The following PMPCA variants were observed in gnomAD, a reference collection of about 807,000 sequenced individuals.
The protein encoded by PMPCA is mitochondrial-processing peptidase subunit alpha.
A neutral mutation model predicts 59.3 loss-of-function variants in PMPCA; 47 were observed. That is an observed-to-expected ratio of 0.79 (90% CI 0.63 to 1.01). The LOEUF (loss-of-function observed/expected upper bound fraction) is 1.01, where lower values mean the gene tolerates loss of function less well. Ranked by LOEUF, PMPCA falls within the 50% of genes least tolerant of loss-of-function variation. The probability of loss-of-function intolerance (pLI) is 0.00; values close to 1 mark genes in which losing one functional copy is unlikely to be tolerated. For synonymous variants in PMPCA, 338 were observed against 290.3 expected (o/e 1.16, Z -1.67); for missense variants, 726 against 704.5 (o/e 1.03, Z -0.34).
At position 136,422,642 on chromosome 9, in the gene PMPCA, C is replaced by T. The variant is rs754590352; in HGVS notation, c.1409-453C>T. ...TTAAATCCTCAAGCGAGTGTCCAGC[C>T]TCTCTCGGGCCTCGTTTTCTGTAGA... On this transcript the variant is annotated intron_variant, in intron 12 of 12. Coordinates refer to ENST00000371717, the MANE Select transcript of PMPCA (RefSeq NM_015160.3). 1,100 of 1,009,900 alleles carry T rather than the reference C, an allele frequency of 1.1e-3. 1 individual carries two copies. Among genetic ancestry groups the T allele is most frequent in the Non-Finnish European group, 1.2e-3 (1,049 of 843,958 alleles). The allele number at this position is 1,009,900 out of a possible 1,614,324, so 62.6% of individuals were successfully genotyped here. A position where few individuals can be genotyped will look rare whatever the true frequency, so the allele number is the denominator to read the frequency against.
intron 7 of PMPCA, among the ~76,000 whole-genome samples, chr9:136,417,770 T>C (rs979124360): frequency 7.2e-6 from 1 of 138,044 alleles, no homozygotes; most frequent in East Asian, 2.0e-4. Context: ...TATATACATA[T>C]GTTTTTTTTT....
chr9:136,410,678 G>C lies in PMPCA; in HGVS notation c.10G>C (p.Val4Leu). 1 of 1,416,324 alleles carries C rather than the reference G, an allele frequency of 7.1e-7. No homozygotes were observed. Among genetic ancestry groups the C allele is most frequent in the South Asian group, 1.7e-5 (1 of 60,146 alleles). 87.7% of individuals were successfully genotyped at this position (1,416,324 alleles called of 1,614,324 possible). The change falls in exon 1 of 13, where the codon GTG becomes CTG. Residue 4 changes from valine to leucine, a missense_variant. Transcript: ENST00000371717. ...GGGGCGGAGACGCAAGATGGCGGCTGTGGTGCTGGCGGCGACGCGGTTGCT... is the reference window on the plus strand; with the variant it reads ...GGGGCGGAGACGCAAGATGGCGGCTCTGGTGCTGGCGGCGACGCGGTTGCT... MAA[V>L]VLAATRLLRG...
Position 136,423,382 on chromosome 9 carries a change from A to G in PMPCA, c.*118A>G, listed in dbSNP as rs1588826304. 12 of 1,025,190 alleles carry G rather than the reference A, an allele frequency of 1.2e-5. No homozygotes were observed. Among genetic ancestry groups the G allele is most frequent in the Admixed American group, 5.2e-5 (2 of 38,488 alleles). 63.5% of individuals were successfully genotyped at this position (1,025,190 alleles called of 1,614,324 possible). A position where few individuals can be genotyped will look rare whatever the true frequency, so the allele number is the denominator to read the frequency against. ...TCTGGTTGTATAAACGGTGCAAACA[A>G]TGTCGCCACAGCACCCACGCGGTTT... On this transcript the variant is annotated 3_prime_UTR_variant, in exon 13 of 13. Transcript: ENST00000371717.
At chr9:136,418,524 G>A (rs569867589) in intron 8 of PMPCA, 31 bp from the exon 9 acceptor site, 2 of 1,413,518 alleles carry the variant, frequency 1.4e-6, no homozygotes, top group African/African-American at 1.4e-5. Context: ...GGCGTGGGTG[G>A]TTCAGCCAGC....
At chr9:136,422,035 C>T in intron 12 of PMPCA, 59 bp downstream of exon 12, 1 of 1,560,206 alleles carries the variant, frequency 6.4e-7, no homozygotes, top group Non-Finnish European at 8.7e-7. Flanking sequence ...TCAGAGGAGG[C>T]CGTCTCGCCC....
chr9:136,416,103 G>A (rs956588739), intron 5 of PMPCA, 188 bp from the exon 6 acceptor site: 97 of 594,944 alleles, frequency 1.6e-4, no homozygotes, highest in Non-Finnish European at 2.5e-4. Context: ...AGGTCCCCTA[G>A]CTCCTGCTCC....
In PMPCA at chr9:136,416,981, C is replaced by T. The variant is rs1835295365; in HGVS notation, c.664C>T (p.His222Tyr). ...AAYRENTVGL[H>Y]RFCPTENVAK... Reference sequence around the variant, plus strand: ...TTACAGGGAGAACACAGTTGGCCTCCACCGTTTCTGCCCCACAGAAAACGT... The same window carrying T: ...TTACAGGGAGAACACAGTTGGCCTCTACCGTTTCTGCCCCACAGAAAACGT... The change falls in exon 7 of 13, where the codon CAC becomes TAC. Residue 222 changes from histidine (H) to tyrosine (Y), a missense_variant. His to Tyr is a moderately conservative substitution (Grantham distance 83). Coordinates refer to ENST00000371717, the MANE Select transcript of PMPCA (RefSeq NM_015160.3). 1 of 1,611,988 alleles carries T rather than the reference C, an allele frequency of 6.2e-7. No homozygotes were observed. Among genetic ancestry groups the T allele is most frequent in the African/African-American group, 1.3e-5 (1 of 74,846 alleles).
At chr9:136,419,243 G>GCAGGT in intron 11 of PMPCA, 137 bp downstream of exon 11, 1 of 852,340 alleles carries the variant, frequency 1.2e-6, no homozygotes. Flanking sequence ...GCAGGGCAGG[G>GCAGGT]CGGCCAAGGA....
chr9:136,415,554 G>C (rs1056099007), intron 5 of PMPCA, among the ~76,000 whole-genome samples: 1 of 152,228 alleles, frequency 6.6e-6, no homozygotes, highest in African/African-American at 2.4e-5. Flanking sequence ...AGCAGCTTGC[G>C]CTTGGTGTTC....
chr9:136,414,981 G>A (rs916145076), intron 5 of PMPCA, among the ~76,000 whole-genome samples: 3 of 152,132 alleles, frequency 2.0e-5, no homozygotes, highest in Admixed American at 2.0e-4. Flanking sequence ...CTAGCTACTC[G>A]GGAGGCTGAG....
intron 12 of PMPCA, chr9:136,422,341 C>A: frequency 8.6e-7 from 1 of 1,165,618 alleles, no homozygotes; most frequent in Non-Finnish European, 1.1e-6. Context: ...CTCGGAATGC[C>A]GCTGTACCGT....
intron 4 of PMPCA, 64 bp downstream of exon 4, chr9:136,412,956 T>C: frequency 1.0e-6 from 1 of 952,638 alleles, no homozygotes; most frequent in Non-Finnish European, 1.7e-6. Context: ...TTGTCGTTGC[T>C]CAGATTCCCT....
rs958473205 is a variant in PMPCA, at chr9:136,417,139, C to G, written c.822C>G (p.Val274=). Residue 274 remains valine (V), a synonymous_variant, in exon 7 of 13, where the codon GTC becomes GTG. Transcript: ENST00000371717. ...VDCARKYLLG[V]QPAWGSAEAV... is the part of the protein sequence containing the mutation. ...GTGCCCGGAAGTACCTCCTGGGGGTCCAGCCGGCCTGGGGGAGCGCAGAGG... is the reference window on the plus strand; with the variant it reads ...GTGCCCGGAAGTACCTCCTGGGGGTGCAGCCGGCCTGGGGGAGCGCAGAGG... The G allele has an allele frequency of 5.0e-6, 8 of 1,613,254 alleles. No individual in the cohort carries two copies. In the East Asian group the frequency reaches 1.8e-4, roughly 36 times the overall value.
At chr9:136,420,394 C>G (rs1214926798) in intron 11 of PMPCA, 1 of 152,116 alleles carries the variant, frequency 6.6e-6, no homozygotes, top group African/African-American at 2.4e-5. Context: ...GTCTTGAACT[C>G]CTGACCTCAA....
chr9:136,419,138 A>T (rs1835373276), intron 11 of PMPCA, 32 bp downstream of exon 11: 1 of 1,590,372 alleles, frequency 6.3e-7, no homozygotes, highest in Non-Finnish European at 8.6e-7. Context: ...TTCCAGGCGT[A>T]CCTGTGGTGT....
intron 4 of PMPCA, 61 bp downstream of exon 4, chr9:136,412,953 T>G: frequency 1.0e-6 from 1 of 984,832 alleles, no homozygotes; most frequent in Non-Finnish European, 1.6e-6. Context: ...TTCTTGTCGT[T>G]GCTCAGATTC....
At chr9:136,418,374 C>G (rs558971396) in intron 8 of PMPCA, among the ~76,000 whole-genome samples, 181 bp from the exon 9 acceptor site, 6 of 146,838 alleles carry the variant, frequency 4.1e-5, no homozygotes, top group Admixed American at 1.4e-4. Flanking sequence ...CCCTGGCATC[C>G]GACGGCGCTC....
intron 5 of PMPCA, 37 bp from the exon 6 acceptor site, chr9:136,416,254 G>T: frequency 6.9e-7 from 1 of 1,453,778 alleles, no homozygotes; most frequent in African/African-American, 1.4e-5. Context: ...ATCTCTGCCT[G>T]TGCAGACTCA....
At chr9:136,421,785 G>A (rs1399179464) in intron 11 of PMPCA, 47 bp from the exon 12 acceptor site, 1 of 1,518,666 alleles carries the variant, frequency 6.6e-7, no homozygotes. Flanking sequence ...GGGGTGGAAG[G>A]TGGCACGGGG....
Sources: allele counts gnomAD v4.1 joint callset (sites outside exome capture counted in the v4.1 genomes callset), GRCh38; gene constraint gnomAD v4.1.1; transcripts MANE v1.5; gene names NCBI Gene and HGNC (gene_info 2026-07-23, HGNC 2026-07-21).